The following ZNF385D variants were observed in gnomAD, a reference collection of about 807,000 sequenced individuals.
The protein encoded by ZNF385D is zinc finger protein 659.
ZNF385D carries 15 observed loss-of-function variants against 35.8 expected under a neutral mutation model. The observed-to-expected ratio is 0.42, with a 90% confidence interval of 0.28 to 0.64. The LOEUF is 0.64. Ranked by LOEUF, ZNF385D falls within the 30% of genes least tolerant of loss-of-function variation. The pLI is 0.23. For missense variants in ZNF385D, 474 were observed against 494.6 expected, an observed-to-expected ratio of 0.96 and a Z score of 0.39; for synonymous variants, 212 against 186.8, an observed-to-expected ratio of 1.13 and a Z score of -1.10.
chr3:22,289,518 A>G (rs1190933208), intron 2 of ZNF385D, among the ~76,000 whole-genome samples: 1 of 152,154 alleles, frequency 6.6e-6, no homozygotes, highest in Non-Finnish European at 1.5e-5. Flanking sequence ...ATAGGAGCTC[A>G]ATCCTCAACC....
intron 2 of ZNF385D, among the ~76,000 whole-genome samples, chr3:21,564,987 T>C (rs769729708): frequency 3.9e-5 from 6 of 152,176 alleles, no homozygotes; most frequent in Non-Finnish European, 8.8e-5. Context: ...ATTAAAGATT[T>C]ATCAAAATTC....
intron 3 of ZNF385D, among the ~76,000 whole-genome samples, chr3:21,765,173 C>T (rs1233863767): frequency 6.6e-6 from 1 of 151,880 alleles, no homozygotes; most frequent in Admixed American, 6.6e-5. Flanking sequence ...CAAAAGGATA[C>T]GCATGTATAA....
intron 2 of ZNF385D, among the ~76,000 whole-genome samples, chr3:22,305,928 C>A (rs1377305852): frequency 2.6e-5 from 4 of 152,130 alleles, no homozygotes; most frequent in Non-Finnish European, 5.9e-5. Flanking sequence ...GTAGCACTAC[C>A]TTCCTAGGTT....
At chr3:22,352,064 G>A (rs984575447) in intron 2 of ZNF385D, among the ~76,000 whole-genome samples, 4 of 152,064 alleles carry the variant, frequency 2.6e-5, no homozygotes, top group Non-Finnish European at 5.9e-5. Flanking sequence ...TTTACACAGT[G>A]GCAAGGAAGA....
rs116453325 is a variant in ZNF385D at position 22,125,896 on chromosome 3, T to C, written c.325+42921A>G. The stretch of plus-strand genomic sequence containing the variant: ...TTGACTTCTTCGTTTACAACCTGGA[T>C]GTCTCATTTCTTTCTCTTCCCTGAT... On this transcript the variant is annotated intron_variant, in intron 3 of 5. Coordinates refer to the ZNF385D transcript ENST00000494108. Among the ~76,000 whole-genome samples the C allele has an allele frequency of 5.8e-3, 884 of 152,260 alleles. 7 individuals carry two copies. The highest frequency in any genetic ancestry group is 0.019 in the African/African-American group (778 of 41,584).
At chr3:22,082,646 C>G (rs772063568) in intron 3 of ZNF385D, among the ~76,000 whole-genome samples, 1 of 152,194 alleles carries the variant, frequency 6.6e-6, no homozygotes, top group African/African-American at 2.4e-5. Flanking sequence ...CAAAAGGCAG[C>G]AGAAACGTCT....
intron 2 of ZNF385D, among the ~76,000 whole-genome samples, chr3:22,276,529 T>G (rs1422247619): frequency 6.6e-6 from 1 of 152,124 alleles, no homozygotes. Flanking sequence ...CTAAGACAAG[T>G]TTTATACTTG....
chr3:22,179,710 C>A (rs1265232772), intron 2 of ZNF385D, among the ~76,000 whole-genome samples: 4 of 151,924 alleles, frequency 2.6e-5, no homozygotes, highest in Non-Finnish European at 1.5e-5. Context: ...TCAATGAAGG[C>A]AGAAATAAAG....
chr3:22,266,369 T>A (rs1316516017), intron 2 of ZNF385D, among the ~76,000 whole-genome samples: 1 of 151,916 alleles, frequency 6.6e-6, no homozygotes, highest in Non-Finnish European at 1.5e-5. Context: ...GAAGCAAAAT[T>A]AACTTATTTT....
intron 3 of ZNF385D, among the ~76,000 whole-genome samples, chr3:21,771,327 A>G (rs972937945): frequency 6.6e-6 from 1 of 151,962 alleles, no homozygotes; most frequent in Non-Finnish European, 1.5e-5. Flanking sequence ...CAACAAAACA[A>G]AAACAATAAG....
chr3:21,984,508 C>T (rs1419759486), intron 3 of ZNF385D, among the ~76,000 whole-genome samples: 1 of 131,068 alleles, frequency 7.6e-6, no homozygotes, highest in African/African-American at 3.1e-5. Flanking sequence ...GGGCTCTGTT[C>T]TGTTCCATTG....
At chr3:21,660,323 A>G (rs1364440963) in intron 2 of ZNF385D, among the ~76,000 whole-genome samples, 1 of 152,100 alleles carries the variant, frequency 6.6e-6, no homozygotes, top group Non-Finnish European at 1.5e-5. Flanking sequence ...TCTACTTCCT[A>G]TGTGACCTCC....
At position 21,438,172 on chromosome 3, in the gene ZNF385D, C is replaced by T. The variant is rs115625411; in HGVS notation, c.440-969G>A. On this transcript the variant is annotated intron_variant, in intron 4 of 7. Transcript: ENST00000281523. ...TGTTACGTTAGCAATGTTTGCCATA[C>T]CCAATAACAAATTGCAAATAAGCTC... is the stretch of plus-strand genomic sequence containing the variant. Among the ~76,000 whole-genome samples the T allele has an allele frequency of 4.6e-3, 698 of 151,686 alleles. 10 individuals are homozygous for T. The highest frequency in any genetic ancestry group is 0.015 in the African/African-American group (602 of 41,318).
At chr3:21,949,699 CTCCCCT>C (rs1701971052) in intron 3 of ZNF385D, among the ~76,000 whole-genome samples, 1 of 151,906 alleles carries the variant, frequency 6.6e-6, no homozygotes, top group Non-Finnish European at 1.5e-5. Flanking sequence ...AATGCTATCC[CTCCCCT>C]AGTCCCTCAC....
chr3:22,200,350 A>T (rs997627844), intron 2 of ZNF385D, among the ~76,000 whole-genome samples: 2 of 152,076 alleles, frequency 1.3e-5, no homozygotes, highest in Non-Finnish European at 2.9e-5. Flanking sequence ...CCGGGGAGAC[A>T]TCACATGTCG....
intron 3 of ZNF385D, among the ~76,000 whole-genome samples, chr3:22,087,807 A>T (rs1701124019): frequency 6.6e-6 from 1 of 152,208 alleles, no homozygotes; most frequent in Admixed American, 6.5e-5. Context: ...TGTAACAGTG[A>T]GAATAATCAA....
chr3:21,752,255 T>C (rs2070138044), upstream of ZNF385D, among the ~76,000 whole-genome samples: 1 of 152,190 alleles, frequency 6.6e-6, no homozygotes, highest in Non-Finnish European at 1.5e-5. Context: ...CTCATCACTT[T>C]GGGAACCAAT....
At chr3:21,546,185 A>G (rs1269343705) in intron 3 of ZNF385D, among the ~76,000 whole-genome samples, 1 of 152,108 alleles carries the variant, frequency 6.6e-6, no homozygotes, top group African/African-American at 2.4e-5. Context: ...GTTTTTGCCT[A>G]CATTTTACAC....
At chr3:21,653,599 A>C (rs2065987055) in intron 2 of ZNF385D, among the ~76,000 whole-genome samples, 1 of 152,114 alleles carries the variant, frequency 6.6e-6, no homozygotes. Flanking sequence ...AAAATTAAAA[A>C]CAAACTTGAA....
Sources: gnomAD v4.1 joint callset for allele counts (sites outside exome capture counted in the v4.1 genomes callset) on GRCh38, gnomAD v4.1.1 for gene constraint, MANE v1.5 for transcripts, NCBI Gene and HGNC (gene_info 2026-07-23, HGNC 2026-07-21) for gene names.